KIF5C: variants seen among roughly 807,000 people sequenced by gnomAD.
KIF5C encodes the protein kinesin heavy chain isoform 5C.
KIF5C carries 18 observed loss-of-function variants against 125.2 expected under a neutral mutation model. The ratio of observed to expected loss-of-function variants is 0.14; its 90% CI spans 0.10 to 0.21. The LOEUF (loss-of-function observed/expected upper bound fraction) is 0.21, where lower values mean the gene tolerates loss of function less well. Among genes scored for constraint, KIF5C ranks in the 10% least tolerant of loss-of-function variants. The pLI is 1.00. For synonymous variants in KIF5C, 405 were observed against 434.0 expected (o/e 0.93, Z 0.83); for missense variants, 780 against 1,183.8 (o/e 0.66, Z 5.01).
intron 11 of KIF5C, among the ~76,000 whole-genome samples, chr2:148,969,422 A>AGTGTGTGTGTGTGTGT (rs151238332): frequency 8.3e-4 from 117 of 141,370 alleles, no homozygotes; most frequent in Middle Eastern, 3.7e-3. Context: ...GAAGGTTTCC[A>AGTGTGTGTGTGTGTGT]GTGTGTGTGT....
chr2:149,001,934 G>A (rs1385439012), intron 21 of KIF5C, among the ~76,000 whole-genome samples: 1 of 152,148 alleles, frequency 6.6e-6, no homozygotes, highest in Non-Finnish European at 1.5e-5. Context: ...TCTGGCCCAT[G>A]GACTAGTCAT....
At chr2:149,011,459 G>A in intron 24 of KIF5C, 111 bp from the exon 25 acceptor site, 3 of 1,433,986 alleles carry the variant, frequency 2.1e-6, no homozygotes, top group East Asian at 5.0e-5. Flanking sequence ...GAATTGTACT[G>A]TTGGTAAGAA....
intron 1 of KIF5C, chr2:148,886,019 C>T (rs1287762816): frequency 1.3e-5 from 2 of 152,158 alleles, no homozygotes; most frequent in Non-Finnish European, 2.9e-5. Flanking sequence ...CTGTCTGGCA[C>T]CTCACTCCTA....
intron 12 of KIF5C, among the ~76,000 whole-genome samples, chr2:148,976,090 T>C (rs1681057207): frequency 6.6e-6 from 1 of 152,176 alleles, no homozygotes; most frequent in Non-Finnish European, 1.5e-5. Context: ...TTGGAGATCC[T>C]GACACGAACC....
At chr2:148,887,898 AG>A (rs1194787306) in intron 1 of KIF5C, among the ~76,000 whole-genome samples, 1 of 150,580 alleles carries the variant, frequency 6.6e-6, no homozygotes, top group African/African-American at 2.4e-5. Context: ...AATGTTGTTG[AG>A]GAAAGATGCG....
rs919172967 is a variant in KIF5C, at chr2:149,025,718, G to C, written c.*2648G>C. On this transcript the variant is annotated 3_prime_UTR_variant, in exon 26 of 26. Transcript: ENST00000435030. ...TTATATGAATAATCTTTATCTGCAG[G>C]ATGGTGGATTGGTAAATTAGGAGAA... The C allele has an allele frequency of 6.6e-6, 1 of 152,262 alleles. No individual in the cohort carries two copies. Among genetic ancestry groups the C allele is most frequent in the African/African-American group, 2.4e-5 (1 of 41,454 alleles). 9.4% of individuals were successfully genotyped at this position (152,262 alleles called of 1,614,324 possible).
chr2:148,933,703 A>G lies in KIF5C; in HGVS notation c.292-3581A>G, dbSNP rs905385241. ...ACATACATATACACACAGACACATC[A>G]CACACAGATGCACCACACACCACGC... On this transcript the variant is annotated intron_variant, in intron 3 of 25. Transcript: ENST00000435030. Among the ~76,000 whole-genome samples the G allele has an allele frequency of 2.0e-3, 296 of 151,556 alleles. 3 individuals are homozygous for G. The highest frequency in any genetic ancestry group is 2.7e-4 in the Non-Finnish European group (18 of 67,802).
At chr2:148,931,199 A>G (rs1196868649) in intron 3 of KIF5C, among the ~76,000 whole-genome samples, 1 of 152,202 alleles carries the variant, frequency 6.6e-6, no homozygotes, top group African/African-American at 2.4e-5. Flanking sequence ...ATTATTTAAA[A>G]TCCCCCAAAA....
chr2:148,885,282 G>T (rs1488010702), intron 1 of KIF5C, among the ~76,000 whole-genome samples: 1 of 152,094 alleles, frequency 6.6e-6, no homozygotes, highest in Admixed American at 6.6e-5. Flanking sequence ...CACCGTGCCC[G>T]GCCCAGTCAT....
intron 10 of KIF5C, among the ~76,000 whole-genome samples, chr2:148,956,357 A>C (rs923217678): frequency 1.3e-5 from 2 of 152,186 alleles, no homozygotes; most frequent in African/African-American, 4.8e-5. Flanking sequence ...CTTTAGTAGA[A>C]TATATCTAAG....
At chr2:148,875,795 G>A in intron 1 of KIF5C, 52 bp downstream of exon 1, 1 of 1,560,310 alleles carries the variant, frequency 6.4e-7, no homozygotes, top group Non-Finnish European at 8.7e-7. Context: ...GCAGCTGGGC[G>A]CCCCGACGCC....
chr2:148,948,674 C>T (rs997239295), intron 8 of KIF5C, among the ~76,000 whole-genome samples: 1 of 148,804 alleles, frequency 6.7e-6, no homozygotes, highest in African/African-American at 2.6e-5. Context: ...CTTTAGTTCC[C>T]GTCTCCCCTG....
At chr2:148,927,104 G>C (rs983345975) in intron 2 of KIF5C, among the ~76,000 whole-genome samples, 3 of 152,204 alleles carry the variant, frequency 2.0e-5, no homozygotes, top group Non-Finnish European at 2.9e-5. Context: ...GTGAAGCCAC[G>C]GACGAGCTCT....
intron 10 of KIF5C, among the ~76,000 whole-genome samples, chr2:148,953,499 C>T (rs1424532456): frequency 1.3e-5 from 2 of 152,184 alleles, no homozygotes. Context: ...ACAGCAGACA[C>T]AAGACTGAAC....
In KIF5C at chr2:148,924,914, C is replaced by T. The variant is rs1681931850; in HGVS notation, c.217+2687C>T. Among the ~76,000 whole-genome samples, 1 of 152,180 alleles carries T rather than the reference C, an allele frequency of 6.6e-6. No homozygotes were observed. The highest frequency in any genetic ancestry group is 1.5e-5 in the Non-Finnish European group (1 of 68,032). ...TAATAAGTACTTACCGTGGGGTAAG[C>T]AGTGCTGGGACTGGAGTCGCCATGC... is the stretch of plus-strand genomic sequence containing the variant. On this transcript the variant is annotated intron_variant, in intron 2 of 25. Coordinates refer to ENST00000435030, the MANE Select transcript of KIF5C (RefSeq NM_004522.3). This position sits in a 1 kb window ranked among gnomAD's most constrained non-coding sequence, Gnocchi z 4.0.
intron 15 of KIF5C, among the ~76,000 whole-genome samples, chr2:148,984,143 A>G (rs2105162738): frequency 1.3e-5 from 2 of 152,350 alleles, no homozygotes; most frequent in South Asian, 4.1e-4. Context: ...GAAAGAACCC[A>G]GTGAAGTGAA....
At chr2:148,890,492 C>A (rs892006101) in intron 1 of KIF5C, among the ~76,000 whole-genome samples, 1 of 152,022 alleles carries the variant, frequency 6.6e-6, no homozygotes, top group Non-Finnish European at 1.5e-5. Context: ...CAGAGCAAGA[C>A]CCTGACTCTA....
chr2:148,878,577 G>T (rs143140091), intron 1 of KIF5C: 1 of 152,358 alleles, frequency 6.6e-6, no homozygotes, highest in Non-Finnish European at 1.5e-5. Context: ...AAGGGTTTGG[G>T]AGTTGGGTTG....
chr2:148,912,961 T>G (rs1681400147), intron 1 of KIF5C, among the ~76,000 whole-genome samples: 1 of 152,242 alleles, frequency 6.6e-6, no homozygotes, highest in Non-Finnish European at 1.5e-5. Flanking sequence ...AGCTCTCATT[T>G]ATAGTGCTAG....
Sources: allele counts gnomAD v4.1 joint callset (sites outside exome capture counted in the v4.1 genomes callset), GRCh38; gene constraint gnomAD v4.1.1; non-coding constraint Gnocchi (gnomAD v3.1); transcripts MANE v1.5; gene names NCBI Gene and HGNC (gene_info 2026-07-23, HGNC 2026-07-21).